OPCML: variants seen among roughly 807,000 people sequenced by gnomAD.
The protein encoded by OPCML is opioid binding protein/cell adhesion molecule like, also known as opioid-binding protein/cell adhesion molecule.
A neutral mutation model predicts 37.8 loss-of-function variants in OPCML; 13 were observed. The ratio of observed to expected loss-of-function variants is 0.34; its 90% CI spans 0.22 to 0.55. The LOEUF (loss-of-function observed/expected upper bound fraction) is 0.55. OPCML is among the 20% of genes least tolerant of loss of function. The pLI is 0.91. For missense variants in OPCML, 341 were observed against 435.6 expected (o/e 0.78, Z 1.93); for synonymous variants, 176 against 168.8 (o/e 1.04, Z -0.33).
intron 2 of OPCML, among the ~76,000 whole-genome samples, chr11:132,911,733 C>T (rs1031629230): frequency 7.9e-5 from 12 of 152,204 alleles, no homozygotes; most frequent in African/African-American, 2.9e-4. Flanking sequence ...GACTTAAAGA[C>T]TTCACAGAAA....
rs1256577030 is a variant in OPCML, at chr11:132,528,577, C to T, written c.505+484G>A. On this transcript the variant is annotated intron_variant, in intron 4 of 7. Transcript: ENST00000524381. ...AATGCACTTAACCATTTCCATCATC[C>T]TTCTTCCACTCAAGGTGAACTATTT... 2.0e-5 allele frequency among the ~76,000 whole-genome samples: 3 copies of T among 152,200 alleles called. No homozygotes were observed. In the East Asian group the frequency reaches 5.8e-4, roughly 29 times the overall value.
chr11:132,579,408 T>TGC, intron 3 of OPCML, among the ~76,000 whole-genome samples: 5 of 151,684 alleles, frequency 3.3e-5, no homozygotes, highest in African/African-American at 1.2e-4. Flanking sequence ...TGTGTGTGTG[T>TGC]GTGTGTGTGA....
intron 4 of OPCML, among the ~76,000 whole-genome samples, chr11:132,483,273 A>G (rs1179793424): frequency 6.6e-6 from 1 of 150,648 alleles, no homozygotes; most frequent in Admixed American, 6.6e-5. Flanking sequence ...CTATACACCA[A>G]CAACAGACAA....
At chr11:132,469,086 C>CAAA (rs1231879563) in intron 4 of OPCML, among the ~76,000 whole-genome samples, 1 of 152,198 alleles carries the variant, frequency 6.6e-6, no homozygotes, top group Non-Finnish European at 1.5e-5. Context: ...ATTCATTAGA[C>CAAA]AAATGTGTTG....
chr11:132,454,149 T>C (rs912943483), intron 4 of OPCML, among the ~76,000 whole-genome samples: 3 of 152,212 alleles, frequency 2.0e-5, no homozygotes, highest in African/African-American at 7.2e-5. Flanking sequence ...CATGTATCTA[T>C]TGCATCAAAT....
intron 1 of OPCML, among the ~76,000 whole-genome samples, chr11:133,137,654 GCCTGAGACAGGCCAAGGT>G (rs1442773264): frequency 1.3e-5 from 2 of 152,146 alleles, no homozygotes; most frequent in Non-Finnish European, 2.9e-5. Flanking sequence ...TATCAAGGTC[GCCTGAGACAGGCCAAGGT>G]CCTGATCAAG....
intron 1 of OPCML, among the ~76,000 whole-genome samples, chr11:133,273,319 T>A (rs1592157563): frequency 6.6e-6 from 1 of 152,062 alleles, no homozygotes; most frequent in South Asian, 2.1e-4. Flanking sequence ...GCGACCCCTG[T>A]GAGCCAGCAG....
chr11:132,644,176 A>G (rs966401053), intron 3 of OPCML, among the ~76,000 whole-genome samples: 2 of 152,184 alleles, frequency 1.3e-5, no homozygotes, highest in African/African-American at 4.8e-5. Flanking sequence ...TATTTCTATT[A>G]AAAGATAGGG....
At chr11:133,070,087 T>C (rs1470929955) in intron 1 of OPCML, among the ~76,000 whole-genome samples, 1 of 152,142 alleles carries the variant, frequency 6.6e-6, no homozygotes, top group Non-Finnish European at 1.5e-5. Context: ...TAAATTGGCA[T>C]TTGTGTCGGG....
intron 1 of OPCML, among the ~76,000 whole-genome samples, chr11:132,949,802 G>A (rs1945819992): frequency 6.6e-6 from 1 of 152,162 alleles, no homozygotes. Context: ...ATGCTTTTCT[G>A]CACGGGTGTG....
chr11:133,485,269 A>C (rs1947502497), intron 1 of OPCML, among the ~76,000 whole-genome samples: 1 of 152,234 alleles, frequency 6.6e-6, no homozygotes, highest in Non-Finnish European at 1.5e-5. Flanking sequence ...TACAGTTATA[A>C]GGGAAACCCT....
At chr11:133,148,669 C>T (rs1360919077) in intron 1 of OPCML, among the ~76,000 whole-genome samples, 1 of 152,172 alleles carries the variant, frequency 6.6e-6, no homozygotes, top group Non-Finnish European at 1.5e-5. Flanking sequence ...AGCGCTCGCT[C>T]CATCCCACCG....
intron 1 of OPCML, among the ~76,000 whole-genome samples, chr11:133,467,452 T>C (rs1947002092): frequency 6.6e-6 from 1 of 152,194 alleles, no homozygotes; most frequent in African/African-American, 2.4e-5. Context: ...TGCATGTGTT[T>C]GTATACTTAT....
At chr11:132,810,203 C>T (rs978889174) in intron 2 of OPCML, among the ~76,000 whole-genome samples, 1 of 152,152 alleles carries the variant, frequency 6.6e-6, no homozygotes, top group Non-Finnish European at 1.5e-5. Flanking sequence ...GTGTAGGCAG[C>T]CATACCTGCC....
chr11:133,101,447 A>T (rs1565447618), intron 1 of OPCML, among the ~76,000 whole-genome samples: 1 of 152,256 alleles, frequency 6.6e-6, no homozygotes, highest in Admixed American at 6.5e-5. Context: ...CAAGAAATAT[A>T]TAACAACCTG....
Position 132,769,013 on chromosome 11 carries a change from C to A in OPCML, c.147-111694G>T, listed in dbSNP as rs944822837. On this transcript the variant is annotated intron_variant, in intron 2 of 7. Transcript: ENST00000524381. ...TTATGAACAATTGAGCCTCTCCTTT[C>A]CTGACTGAAATTGCTCTTTGAGGTC... 2.0e-5 allele frequency among the ~76,000 whole-genome samples: 3 copies of A among 151,872 alleles called. No homozygotes were observed. The South Asian group carries it at 6.2e-4, about 32-fold the overall frequency.
intron 3 of OPCML, among the ~76,000 whole-genome samples, chr11:132,644,785 T>C (rs75586644): frequency 0.027 from 4,113 of 152,302 alleles, 114 homozygotes; most frequent in African/African-American, 0.068. Flanking sequence ...AATAATGACA[T>C]GAAGAGACAC....
At chr11:133,085,173 A>G (rs1948800678) in intron 1 of OPCML, among the ~76,000 whole-genome samples, 1 of 152,222 alleles carries the variant, frequency 6.6e-6, no homozygotes, top group Non-Finnish European at 1.5e-5. Context: ...TCACTGATTC[A>G]TACAACCCAG....
At chr11:133,070,506 A>G (rs866793397) in intron 1 of OPCML, among the ~76,000 whole-genome samples, 4 of 152,234 alleles carry the variant, frequency 2.6e-5, no homozygotes, top group Middle Eastern at 6.8e-3. Context: ...AGGCGGGCCC[A>G]CAATTCTATT....
Sources: gnomAD v4.1 joint callset for allele counts (sites outside exome capture counted in the v4.1 genomes callset) on GRCh38, gnomAD v4.1.1 for gene constraint, MANE v1.5 for transcripts, NCBI Gene and HGNC (gene_info 2026-07-23, HGNC 2026-07-21) for gene names.